NEGR1: variants seen among roughly 807,000 people sequenced by gnomAD.
NEGR1 encodes the protein IgLON family member 4.
Under a neutral mutation model 40.9 loss-of-function variants are expected in NEGR1, and 10 were observed. The ratio of observed to expected loss-of-function variants is 0.24; its 90% CI spans 0.15 to 0.42. The LOEUF is 0.42. Among genes scored for constraint, NEGR1 ranks in the 10% least tolerant of loss-of-function variants. The pLI is 1.00. For missense variants in NEGR1, 352 were observed against 438.9 expected (o/e 0.80, Z 1.77); for synonymous variants, 185 against 166.8 (o/e 1.11, Z -0.84).
intron 6 of NEGR1, among the ~76,000 whole-genome samples, chr1:71,471,185 A>G (rs1427122172): frequency 1.3e-5 from 2 of 152,174 alleles, no homozygotes; most frequent in African/African-American, 4.8e-5. Context: ...CAATAAATAA[A>G]TTAAATATAT....
At chr1:71,802,494 A>C (rs893538284) in intron 2 of NEGR1, among the ~76,000 whole-genome samples, 35 of 152,190 alleles carry the variant, frequency 2.3e-4, no homozygotes, top group African/African-American at 8.2e-4. Flanking sequence ...GGCCCAGAGC[A>C]TGCATGCCCA....
At chr1:71,544,708 T>C (rs1438379302) in intron 6 of NEGR1, among the ~76,000 whole-genome samples, 6 of 151,658 alleles carry the variant, frequency 4.0e-5, no homozygotes, top group East Asian at 2.0e-4. Flanking sequence ...GTATAGGAGA[T>C]TGTTGGTGAG....
intron 6 of NEGR1, among the ~76,000 whole-genome samples, chr1:71,512,704 C>T (rs907294693): frequency 3.3e-5 from 5 of 151,852 alleles, no homozygotes; most frequent in African/African-American, 1.2e-4. Context: ...GCCTCAACCT[C>T]CCGAGTAGCT....
intron 1 of NEGR1, among the ~76,000 whole-genome samples, chr1:72,268,954 G>A (rs547095712): frequency 1.3e-5 from 2 of 151,560 alleles, no homozygotes; most frequent in Admixed American, 1.3e-4. Context: ...CTTTGGATAT[G>A]TAAAGCAGCC....
chr1:71,688,845 T>G (rs1326982448), intron 4 of NEGR1, among the ~76,000 whole-genome samples: 1 of 152,186 alleles, frequency 6.6e-6, no homozygotes, highest in Non-Finnish European at 1.5e-5. Context: ...TTGTTTTAAA[T>G]GTATTATGAC....
At chr1:72,113,259 T>C (rs1024732431) in intron 1 of NEGR1, among the ~76,000 whole-genome samples, 4 of 151,520 alleles carry the variant, frequency 2.6e-5, no homozygotes, top group Non-Finnish European at 4.4e-5. Context: ...AGCTTTGGAG[T>C]TGGGGAAAGC....
intron 2 of NEGR1, among the ~76,000 whole-genome samples, chr1:71,818,094 G>A (rs2101772041): frequency 6.6e-6 from 1 of 152,102 alleles, no homozygotes. Flanking sequence ...GGTGATTGGG[G>A]TGTAAATTAG....
chr1:72,148,432 TA>T (rs2100350038), intron 1 of NEGR1, among the ~76,000 whole-genome samples: 1 of 152,122 alleles, frequency 6.6e-6, no homozygotes, highest in South Asian at 2.1e-4. Flanking sequence ...TGATATAGCC[TA>T]GAGACATTTT....
At chr1:72,065,153 C>T (rs1647242651) in intron 1 of NEGR1, among the ~76,000 whole-genome samples, 1 of 150,268 alleles carries the variant, frequency 6.7e-6, no homozygotes, top group Admixed American at 6.6e-5. Context: ...TCATACAAGG[C>T]CATAAACAAC....
chr1:71,776,056 C>A, intron 3 of NEGR1, 116 bp downstream of exon 3: 1 of 418,072 alleles, frequency 2.4e-6, no homozygotes, highest in East Asian at 4.0e-5. Flanking sequence ...TTCTGCCTAC[C>A]GCATGAATAA....
At chr1:71,549,087 T>C (rs1027343916) in intron 6 of NEGR1, among the ~76,000 whole-genome samples, 1 of 151,698 alleles carries the variant, frequency 6.6e-6, no homozygotes, top group Admixed American at 6.6e-5. Flanking sequence ...AGAGAAACCA[T>C]CTGTGTCTAG....
intron 1 of NEGR1, among the ~76,000 whole-genome samples, chr1:72,100,188 G>A (rs1415890340): frequency 6.6e-6 from 1 of 151,952 alleles, no homozygotes; most frequent in Non-Finnish European, 1.5e-5. Context: ...ACCACCAAAG[G>A]ATCCAAGATT....
At chr1:71,815,483 T>C (rs1451557605) in intron 2 of NEGR1, among the ~76,000 whole-genome samples, 1 of 152,038 alleles carries the variant, frequency 6.6e-6, no homozygotes, top group East Asian at 1.9e-4. Context: ...GTCTCAATTA[T>C]CTGTTTAATA....
intron 1 of NEGR1, among the ~76,000 whole-genome samples, chr1:72,065,554 G>A (rs902748225): frequency 2.6e-5 from 4 of 152,122 alleles, no homozygotes; most frequent in Non-Finnish European, 5.9e-5. Flanking sequence ...ACTAAGAGCT[G>A]TGTGGAAAAG....
At chr1:71,758,871 T>C (rs1655835619) in intron 3 of NEGR1, among the ~76,000 whole-genome samples, 1 of 152,212 alleles carries the variant, frequency 6.6e-6, no homozygotes, top group South Asian at 2.1e-4. Context: ...GTTTTATCTG[T>C]GTATAAAATT....
At chr1:72,260,250 T>C (rs1467796289) in intron 1 of NEGR1, among the ~76,000 whole-genome samples, 1 of 152,070 alleles carries the variant, frequency 6.6e-6, no homozygotes, top group Non-Finnish European at 1.5e-5. Context: ...AAAGGGTTTT[T>C]ATATAGTATA....
At chr1:71,903,074 C>T (rs1319852888) in intron 2 of NEGR1, among the ~76,000 whole-genome samples, 1 of 151,646 alleles carries the variant, frequency 6.6e-6, no homozygotes, top group East Asian at 1.9e-4. Context: ...ATTTTTAGAT[C>T]AAATAAAAAG....
intron 1 of NEGR1, among the ~76,000 whole-genome samples, chr1:71,982,648 G>T (rs537484485): frequency 1.3e-5 from 2 of 152,184 alleles, no homozygotes; most frequent in African/African-American, 4.8e-5. Flanking sequence ...GATTAACTTG[G>T]AGCAGACAGC....
intron 1 of NEGR1, among the ~76,000 whole-genome samples, chr1:72,234,623 A>C (rs997803985): frequency 6.6e-6 from 1 of 152,150 alleles, no homozygotes; most frequent in Admixed American, 6.6e-5. Flanking sequence ...GGCAAAGGCA[A>C]AGGACATGAA....
Sources: gnomAD v4.1 joint callset for allele counts (sites outside exome capture counted in the v4.1 genomes callset) on GRCh38, gnomAD v4.1.1 for gene constraint, MANE v1.5 for transcripts, NCBI Gene and HGNC (gene_info 2026-07-23, HGNC 2026-07-21) for gene names.